The following SLC27A6 variants were observed in gnomAD, a reference collection of about 807,000 sequenced individuals.
SLC27A6 encodes the protein solute carrier family 27 member 6, also known as long-chain fatty acid transport protein 6.
Under a neutral mutation model 63.9 loss-of-function variants are expected in SLC27A6, and 74 were observed. The observed-to-expected ratio is 1.16, with a 90% confidence interval of 0.96 to 1.40. The LOEUF (loss-of-function observed/expected upper bound fraction) is 1.40. SLC27A6 is among the 40% of genes most tolerant of loss of function. The pLI, the probability that SLC27A6 is intolerant of heterozygous loss-of-function variation, is 0.00. For missense variants in SLC27A6, 794 were observed against 732.9 expected, an observed-to-expected ratio of 1.08 and a Z score of -0.96; for synonymous variants, 287 against 260.8, an observed-to-expected ratio of 1.10 and a Z score of -0.97.
chr5:128,978,440 G>A (rs1383620452), intron 1 of SLC27A6, among the ~76,000 whole-genome samples: 1 of 152,150 alleles, frequency 6.6e-6, no homozygotes, highest in African/African-American at 2.4e-5. Context: ...GTGCCTTTTA[G>A]TTAGCCTTGA....
rs145869055 is a variant in SLC27A6, at chr5:128,977,064, C to T, written c.482-8069C>T. The stretch of plus-strand genomic sequence containing the variant: ...CCAGGAAATCCCAACCATATCACCA[C>T]CCTCAAAACCAGTTACCAAATGAAC... On this transcript the variant is annotated intron_variant, in intron 1 of 9. Transcript: ENST00000262462. Among the ~76,000 whole-genome samples, 537 of 152,266 alleles carry T rather than the reference C, an allele frequency of 3.5e-3. 1 individual carries two copies. The highest frequency in any genetic ancestry group is 9.6e-3 in the African/African-American group (399 of 41,552).
At chr5:129,024,812 T>G (rs1752182714) in intron 6 of SLC27A6, among the ~76,000 whole-genome samples, 1 of 152,168 alleles carries the variant, frequency 6.6e-6, no homozygotes, top group Non-Finnish European at 1.5e-5. Context: ...TCCTAAATCT[T>G]TTCTTCAAAT....
At chr5:129,008,864 GA>G (rs1455040173) in intron 4 of SLC27A6, among the ~76,000 whole-genome samples, 2 of 137,112 alleles carry the variant, frequency 1.5e-5, no homozygotes, top group Admixed American at 7.5e-5. Flanking sequence ...ATTTTCAATT[GA>G]TTTTTTTTTT....
At chr5:129,023,905 G>A (rs561490367) in intron 6 of SLC27A6, among the ~76,000 whole-genome samples, 195 bp downstream of exon 6, 11 of 152,142 alleles carry the variant, frequency 7.2e-5, no homozygotes, top group Non-Finnish European at 1.5e-4. Context: ...CTTTAAACAG[G>A]TTGCTTATAA....
intron 4 of SLC27A6, among the ~76,000 whole-genome samples, chr5:129,013,561 G>T (rs1356426048): frequency 6.6e-6 from 1 of 151,948 alleles, no homozygotes; most frequent in African/African-American, 2.4e-5. Context: ...CTTTCTGGCT[G>T]CTTTTAAAAT....
chr5:129,028,832 G>T (rs1246581652), intron 8 of SLC27A6, among the ~76,000 whole-genome samples: 1 of 151,914 alleles, frequency 6.6e-6, no homozygotes, highest in Admixed American at 6.6e-5. Flanking sequence ...TTTTAGTTAA[G>T]ATGGCTCTTT....
intron 1 of SLC27A6, among the ~76,000 whole-genome samples, chr5:128,978,403 T>G (rs779656260): frequency 6.6e-6 from 1 of 152,198 alleles, no homozygotes; most frequent in Non-Finnish European, 1.5e-5. Context: ...AATATAGCAC[T>G]TTACCTGTCT....
intron 4 of SLC27A6, among the ~76,000 whole-genome samples, chr5:128,993,705 T>C (rs1433931956): frequency 6.6e-6 from 1 of 152,218 alleles, no homozygotes; most frequent in Non-Finnish European, 1.5e-5. Flanking sequence ...AAATATTCTT[T>C]TTAACTCTCT....
rs1752473564 is a variant in SLC27A6 at position 129,033,428 on chromosome 5, T to A, written c.*146T>A. On this transcript the variant is annotated 3_prime_UTR_variant, in exon 10 of 10. Coordinates refer to ENST00000262462, the MANE Select transcript of SLC27A6 (RefSeq NM_001017372.3). ...TATGAGAGATAATTTTTTAATTGCA[T>A]AAGAATTTTAATTTCTTTTAATTGA... The A allele has an allele frequency of 6.9e-6, 3 of 432,728 alleles. No individual in the cohort carries two copies. 26.8% of individuals were successfully genotyped at this position (432,728 alleles called of 1,614,324 possible). A position where few individuals can be genotyped will look rare whatever the true frequency, so the allele number is the denominator to read the frequency against.
At chr5:128,985,477 G>A (rs1580711810) in intron 2 of SLC27A6, 141 bp downstream of exon 2, 3 of 651,480 alleles carry the variant, frequency 4.6e-6, no homozygotes, top group East Asian at 2.7e-5. Context: ...TCAGAGGCTA[G>A]AACTTTCCAA....
intron 2 of SLC27A6, among the ~76,000 whole-genome samples, chr5:128,986,869 G>A (rs1328264041): frequency 6.6e-6 from 1 of 152,116 alleles, no homozygotes; most frequent in Non-Finnish European, 1.5e-5. Flanking sequence ...GTGAAGCCTT[G>A]AAGAAAATTC....
intron 1 of SLC27A6, among the ~76,000 whole-genome samples, chr5:128,967,616 G>A (rs919225262): frequency 6.6e-6 from 1 of 152,108 alleles, no homozygotes; most frequent in Admixed American, 6.5e-5. Context: ...TAACCTTTAT[G>A]ATATAATATT....
intron 4 of SLC27A6, among the ~76,000 whole-genome samples, chr5:129,015,228 C>A (rs1405500669): frequency 1.3e-5 from 2 of 151,904 alleles, no homozygotes; most frequent in Non-Finnish European, 2.9e-5. Flanking sequence ...AGATATAGAA[C>A]AAAATAGAAT....
intron 1 of SLC27A6, among the ~76,000 whole-genome samples, chr5:128,975,838 A>G (rs1388848261): frequency 6.6e-6 from 1 of 152,176 alleles, no homozygotes; most frequent in Non-Finnish European, 1.5e-5. Flanking sequence ...TTCAGTAAAT[A>G]CATGTTCAAC....
intron 4 of SLC27A6, among the ~76,000 whole-genome samples, chr5:129,005,020 C>T (rs987192042): frequency 3.3e-5 from 5 of 152,230 alleles, no homozygotes; most frequent in Non-Finnish European, 5.9e-5. Context: ...GCCCCGCTAA[C>T]TTTCCATCCA....
chr5:128,995,053 C>G (rs1156872053), intron 4 of SLC27A6, among the ~76,000 whole-genome samples: 1 of 152,242 alleles, frequency 6.6e-6, no homozygotes, highest in African/African-American at 2.4e-5. Flanking sequence ...GAAAGCAGCT[C>G]TCCCTCACTT....
intron 2 of SLC27A6, among the ~76,000 whole-genome samples, chr5:128,988,034 GA>G (rs1390328620): frequency 1.3e-5 from 2 of 151,122 alleles, no homozygotes; most frequent in Non-Finnish European, 3.0e-5. Flanking sequence ...TTCCAAAAAT[GA>G]AAAAAAATAG....
intron 4 of SLC27A6, among the ~76,000 whole-genome samples, chr5:128,992,846 G>T (rs1252931465): frequency 1.3e-5 from 2 of 152,192 alleles, no homozygotes; most frequent in African/African-American, 4.8e-5. Context: ...GTGCTACCTA[G>T]TGAAGCTCAT....
chr5:129,008,328 T>C (rs1235868970), intron 4 of SLC27A6, among the ~76,000 whole-genome samples: 1 of 152,228 alleles, frequency 6.6e-6, no homozygotes, highest in Non-Finnish European at 1.5e-5. Context: ...AATGTGATTC[T>C]CTGTATCAAC....
Sources: allele counts gnomAD v4.1 joint callset (sites outside exome capture counted in the v4.1 genomes callset), GRCh38; gene constraint gnomAD v4.1.1; transcripts MANE v1.5; gene names NCBI Gene and HGNC (gene_info 2026-07-23, HGNC 2026-07-21).